Variants in IRAG2 observed in about 807,000 individuals in gnomAD.
The protein encoded by IRAG2 is inositol 1,4,5-triphosphate receptor associated 2, also known as lymphoid restricted membrane protein.
Under a neutral mutation model 69.9 loss-of-function variants are expected in IRAG2, and 45 were observed. That is an observed-to-expected ratio of 0.64 (90% CI 0.51 to 0.83). IRAG2 has a LOEUF of 0.83. Among genes scored for constraint, IRAG2 ranks in the 40% least tolerant of loss-of-function variants. IRAG2 has a pLI of 0.00. For missense variants in IRAG2, 520 were observed against 587.0 expected (o/e 0.89, Z 1.18); for synonymous variants, 193 against 202.4 (o/e 0.95, Z 0.40).
At chr12:25,044,719 G>A (rs937815136) in intron 16 of IRAG2, among the ~76,000 whole-genome samples, 2 of 151,932 alleles carry the variant, frequency 1.3e-5, no homozygotes, top group African/African-American at 2.4e-5. Context: ...AAGAAAATAC[G>A]ATATCTACAC....
At chr12:25,038,071 A>T (rs1461455168) in exon 16 of IRAG2, 1 of 398,786 alleles carries the variant, frequency 2.5e-6, no homozygotes, top group Non-Finnish European at 4.4e-6. Flanking sequence ...GAATTTGCCA[A>T]ATTAATAGAG....
At chr12:25,043,002 T>TAA (rs61246525) in intron 16 of IRAG2, among the ~76,000 whole-genome samples, 228 of 142,920 alleles carry the variant, frequency 1.6e-3, no homozygotes, top group East Asian at 3.9e-3. Flanking sequence ...TCTTTGAAAT[T>TAA]AAAAAAAAAA....
In IRAG2 at chr12:25,101,300, G is replaced by A. The variant is rs1291211593; in HGVS notation, c.864G>A (p.Arg288=). The part of the protein sequence containing the change: ...ELKQVLLQNE[R]SFNPLEDDDD... ...AACAGGTTCTTCTGCAGAATGAAAG[G>A]TCTTTCAATCCTCTTGAAGATGATG... The change falls in exon 16 of 22, where the codon AGG becomes AGA. Residue 288 remains arginine (R), a synonymous_variant. Coordinates refer to ENST00000556887, the MANE Select transcript of IRAG2 (RefSeq NM_001366544.2). 2 of 1,605,952 alleles carry A rather than the reference G, an allele frequency of 1.2e-6. No homozygotes were observed. The highest frequency in any genetic ancestry group is 8.5e-7 in the Non-Finnish European group (1 of 1,175,644).
In IRAG2 at chr12:25,012,316, G is replaced by A. The variant is rs568533783; in HGVS notation, c.896+765G>A. On this transcript the variant is annotated intron_variant, in intron 3 of 38. Coordinates refer to the IRAG2 transcript ENST00000636465. ...ATCACAGGTGTGTGCCACCATGCCC[G>A]GCTAATGCTTGTATTTTTAGTAGAG... 8.6e-5 allele frequency among the ~76,000 whole-genome samples: 13 copies of A among 151,474 alleles called. No homozygotes were observed. In the South Asian group the frequency reaches 2.7e-3, roughly 32 times the overall value.
chr12:25,016,233 T>A (rs1446925256), intron 5 of IRAG2, among the ~76,000 whole-genome samples: 1 of 150,932 alleles, frequency 6.6e-6, no homozygotes, highest in African/African-American at 2.4e-5. Context: ...AACTATGTTC[T>A]CAACCTGAGC....
chr12:25,031,490 T>C (rs1320152739), intron 10 of IRAG2, among the ~76,000 whole-genome samples: 1 of 152,236 alleles, frequency 6.6e-6, no homozygotes, highest in Non-Finnish European at 1.5e-5. Flanking sequence ...TTTATTTCAT[T>C]GGTCACTTGC....
chr12:25,057,862 A>G (rs77186993), intron 1 of IRAG2, among the ~76,000 whole-genome samples: 2,231 of 152,182 alleles, frequency 0.015, 43 homozygotes, highest in African/African-American at 0.05. Flanking sequence ...GTTACACAGT[A>G]TGTACTTTTT....
Position 25,005,328 on chromosome 12 carries a change from T to TTA in IRAG2, c.663_664dup (p.Asn222IlefsTer11). On this transcript the variant is annotated frameshift_variant, in exon 2 of 39. Coordinates refer to the IRAG2 transcript ENST00000636465. LOFTEE classifies it high-confidence loss of function. Reference sequence around the variant, plus strand: ...AAAGAAGAGGCACTCACAAGTATTTTTAATGCATGTGACATCAAACGGAAA... The same window carrying TTA: ...AAAGAAGAGGCACTCACAAGTATTTTTATAATGCATGTGACATCAAACGGAAA... 1.6e-6 allele frequency: 2 copies of TTA among 1,227,734 alleles called. No individual in the cohort carries two copies. Among genetic ancestry groups the TTA allele is most frequent in the East Asian group, 6.3e-5 (2 of 31,658 alleles). 76.1% of individuals were successfully genotyped at this position (1,227,734 alleles called of 1,614,324 possible).
At chr12:25,003,018 T>C (rs1381915516), upstream of IRAG2, among the ~76,000 whole-genome samples, 1 of 152,186 alleles carries the variant, frequency 6.6e-6, no homozygotes, top group African/African-American at 2.4e-5. Flanking sequence ...GGTCATTACC[T>C]TAAGTGGTAA....
At chr12:25,018,282 C>T (rs1254282782) in intron 6 of IRAG2, among the ~76,000 whole-genome samples, 1 of 143,914 alleles carries the variant, frequency 6.9e-6, no homozygotes, top group Non-Finnish European at 1.5e-5. Flanking sequence ...CTGCATGCAA[C>T]CTCCGTCTCC....
chr12:25,090,732 G>C (rs1356123615), intron 14 of IRAG2: 2 of 392,934 alleles, frequency 5.1e-6, no homozygotes, highest in Non-Finnish European at 1.0e-5. Context: ...ACTAATAGGA[G>C]AGTATCAGCT....
At chr12:25,054,183 C>T (rs1406345065) in intron 1 of IRAG2, among the ~76,000 whole-genome samples, 1 of 152,176 alleles carries the variant, frequency 6.6e-6, no homozygotes, top group Non-Finnish European at 1.5e-5. Flanking sequence ...TATTCTGATT[C>T]ACTCTGTTAA....
chr12:25,024,779 C>T (rs1944608932), intron 8 of IRAG2, among the ~76,000 whole-genome samples: 1 of 152,140 alleles, frequency 6.6e-6, no homozygotes, highest in Non-Finnish European at 1.5e-5. Flanking sequence ...CAAGGCCAGG[C>T]TTTTGTGAAA....
chr12:25,003,959 G>A (rs1944411723), upstream of IRAG2, among the ~76,000 whole-genome samples: 1 of 152,188 alleles, frequency 6.6e-6, no homozygotes, highest in African/African-American at 2.4e-5. Context: ...GCCTGCGTTA[G>A]AATCTGAGCT....
At chr12:25,098,503 A>T (rs564611526) in intron 15 of IRAG2, among the ~76,000 whole-genome samples, 36 of 152,052 alleles carry the variant, frequency 2.4e-4, no homozygotes, top group Non-Finnish European at 4.7e-4. Flanking sequence ...GTTGTCTCTA[A>T]CCCTATCCAA....
chr12:25,103,948 A>G (rs1007073588), intron 18 of IRAG2, 49 bp downstream of exon 18: 5 of 1,596,570 alleles, frequency 3.1e-6, no homozygotes, highest in Non-Finnish European at 4.3e-6. Flanking sequence ...TCATTTTCAT[A>G]TGACAGAAAA....
intron 16 of IRAG2, among the ~76,000 whole-genome samples, chr12:25,040,401 G>A (rs893564454): frequency 1.1e-4 from 17 of 152,100 alleles, no homozygotes; most frequent in African/African-American, 3.6e-4. Context: ...CAGCTACTTG[G>A]GAGGTTGAGG....
At chr12:25,096,295 GTT>G (rs941561344) in intron 14 of IRAG2, among the ~76,000 whole-genome samples, 2 of 152,270 alleles carry the variant, frequency 1.3e-5, no homozygotes, top group South Asian at 2.1e-4. Flanking sequence ...ATTTGGGAAA[GTT>G]TTAGAAATTT....
At chr12:25,096,828 C>T in intron 14 of IRAG2, 82 bp from the exon 15 acceptor site, 4 of 1,070,690 alleles carry the variant, frequency 3.7e-6, no homozygotes, top group South Asian at 1.8e-5. Context: ...GAATGTCATC[C>T]ACATTTGCAA....
Sources: allele counts gnomAD v4.1 joint callset (sites outside exome capture counted in the v4.1 genomes callset), GRCh38; gene constraint gnomAD v4.1.1; transcripts MANE v1.5; gene names NCBI Gene and HGNC (gene_info 2026-07-23, HGNC 2026-07-21).